The following HMGCLL1 variants were observed in gnomAD, a reference collection of about 807,000 sequenced individuals.
The protein encoded by HMGCLL1 is 3-hydroxy-3-methylglutaryl-CoA lyase like 1.
A neutral mutation model predicts 39.1 loss-of-function variants in HMGCLL1; 36 were observed. That is an observed-to-expected ratio of 0.92 (90% CI 0.71 to 1.22). The LOEUF is 1.22. Among genes scored for constraint, HMGCLL1 ranks in the 50% most tolerant of loss-of-function variants. The pLI is 0.00. For missense variants in HMGCLL1, 451 were observed against 416.5 expected (o/e 1.08, Z -0.72); for synonymous variants, 149 against 144.0 (o/e 1.03, Z -0.25).
rs1360826785 is a variant in HMGCLL1, at chr6:55,439,508, A to T, written c.847T>A (p.Tyr283Asn). ...ACATTCCCAGAAGCACCTTTTGCAT[A>T]AGGGCAGCCACCTAATCCGGATACT... Reference protein sequence around the residue: ...SAVSGLGGCPYAKGASGNVAT... With the variant: ...SAVSGLGGCPNAKGASGNVAT... Residue 283 changes from tyrosine (Y) to asparagine (N), a missense_variant, in exon 8 of 9, where the codon TAT becomes AAT. By Grantham distance (143) the Tyr-to-Asn change is moderately radical. Transcript: ENST00000274901. 1.2e-6 allele frequency: 2 copies of T among 1,613,036 alleles called. No homozygotes were observed. The highest frequency in any genetic ancestry group is 1.7e-6 in the Non-Finnish European group (2 of 1,179,238).
the HMGCLL1 span, among the ~76,000 whole-genome samples, chr6:55,651,003 G>C: frequency 6.6e-6 from 1 of 152,058 alleles, no homozygotes; most frequent in Non-Finnish European, 1.5e-5. Flanking sequence ...TGGACTTGGG[G>C]ACCCTAAGAG....
chr6:55,560,695 A>G (rs1770904907), intron 1 of HMGCLL1, among the ~76,000 whole-genome samples: 1 of 152,134 alleles, frequency 6.6e-6, no homozygotes, highest in Admixed American at 6.6e-5. Flanking sequence ...GGCTTCACCT[A>G]ACATTCCATC....
the HMGCLL1 span, among the ~76,000 whole-genome samples, chr6:55,641,952 C>G: frequency 1.4e-5 from 2 of 138,814 alleles, no homozygotes; most frequent in Non-Finnish European, 3.1e-5. Flanking sequence ...TACATGTGCA[C>G]ATTGTGCAGG....
At chr6:55,611,792 A>G in the HMGCLL1 span, among the ~76,000 whole-genome samples, 5 of 152,226 alleles carry the variant, frequency 3.3e-5, no homozygotes, top group Non-Finnish European at 5.9e-5. Context: ...ACTAGGTATG[A>G]TTGAACATAT....
intron 3 of HMGCLL1, among the ~76,000 whole-genome samples, chr6:55,540,916 T>G (rs112827667): frequency 0.01 from 1,534 of 152,118 alleles, 25 homozygotes; most frequent in African/African-American, 0.034. Context: ...AACCTTAAAC[T>G]AAGAGGTCAT....
chr6:55,509,719 A>C (rs1767342166), intron 5 of HMGCLL1, among the ~76,000 whole-genome samples: 1 of 151,908 alleles, frequency 6.6e-6, no homozygotes, highest in South Asian at 2.1e-4. Context: ...TAAACACAGG[A>C]AGAATTTCCT....
intron 7 of HMGCLL1, among the ~76,000 whole-genome samples, chr6:55,489,071 TC>T (rs1766186626): frequency 6.6e-6 from 1 of 152,042 alleles, no homozygotes; most frequent in Non-Finnish European, 1.5e-5. Context: ...GCCAATTCAA[TC>T]CAATGTTCCA....
chr6:55,472,942 T>C (rs1246114468), intron 7 of HMGCLL1, among the ~76,000 whole-genome samples: 4 of 151,438 alleles, frequency 2.6e-5, no homozygotes, highest in African/African-American at 9.7e-5. Flanking sequence ...TTTATAAAAA[T>C]TTACAACTGT....
At chr6:55,664,194 T>C in the HMGCLL1 span, among the ~76,000 whole-genome samples, 2 of 151,862 alleles carry the variant, frequency 1.3e-5, no homozygotes, top group South Asian at 4.1e-4. Flanking sequence ...TTGATATGTA[T>C]GGATTTGGTT....
intron 7 of HMGCLL1, among the ~76,000 whole-genome samples, chr6:55,440,627 C>T (rs1763554921): frequency 6.6e-6 from 1 of 152,030 alleles, no homozygotes; most frequent in South Asian, 2.1e-4. Flanking sequence ...TCCGATTCTT[C>T]ACTCTTGGGC....
chr6:55,446,933 A>G (rs1763873002), intron 7 of HMGCLL1, among the ~76,000 whole-genome samples: 1 of 152,168 alleles, frequency 6.6e-6, no homozygotes, highest in African/African-American at 2.4e-5. Flanking sequence ...TATTTTATTT[A>G]ATAATCTATA....
At chr6:55,666,737 C>T in the HMGCLL1 span, among the ~76,000 whole-genome samples, 7 of 151,664 alleles carry the variant, frequency 4.6e-5, no homozygotes, top group South Asian at 1.5e-3. Flanking sequence ...CAAAAGGAAA[C>T]AAATCCTACT....
At chr6:55,542,312 G>A (rs41271324) in intron 1 of HMGCLL1, among the ~76,000 whole-genome samples, 172 bp from the exon 2 acceptor site, 4,058 of 152,136 alleles carry the variant, frequency 0.027, 87 homozygotes, top group Non-Finnish European at 0.039. Flanking sequence ...CTTGCAACAT[G>A]AAGTATTTTT....
intron 7 of HMGCLL1, among the ~76,000 whole-genome samples, chr6:55,493,739 G>GT (rs10708618): frequency 0.058 from 8,688 of 148,800 alleles, 289 homozygotes; most frequent in Middle Eastern, 0.076. Flanking sequence ...TTTTGTTTTT[G>GT]TTTTTTTTTT....
At chr6:55,676,205 G>A in the HMGCLL1 span, among the ~76,000 whole-genome samples, 1 of 151,896 alleles carries the variant, frequency 6.6e-6, no homozygotes, top group Non-Finnish European at 1.5e-5. Context: ...GCACATCACA[G>A]AACAAACACT....
At chr6:55,483,707 TC>T (rs1204347055) in intron 7 of HMGCLL1, among the ~76,000 whole-genome samples, 1 of 152,170 alleles carries the variant, frequency 6.6e-6, no homozygotes, top group Non-Finnish European at 1.5e-5. Context: ...TGGGTTGAAA[TC>T]CCGGTTCTAC....
In HMGCLL1 at chr6:55,439,463, A is replaced by G; in HGVS notation, c.892T>C (p.Tyr298His). 1.2e-6 allele frequency: 2 copies of G among 1,612,806 alleles called. No individual in the cohort carries two copies. The highest frequency in any genetic ancestry group is 1.7e-6 in the Non-Finnish European group (2 of 1,179,112). ...TTGAGCCCCAGGCCATTAAGCATATATATCAAATCCTCAGTGGCTACATTC... is the reference window on the plus strand; with the variant it reads ...TTGAGCCCCAGGCCATTAAGCATATGTATCAAATCCTCAGTGGCTACATTC... ...SGNVATEDLI[Y>H]MLNGLGLNTG... is the part of the protein sequence containing the mutation. The change falls in exon 8 of 9, where the codon TAT becomes CAT. Residue 298 changes from tyrosine to histidine, a missense_variant. Tyr to His is a moderately conservative substitution (Grantham distance 83, BLOSUM62 2). Transcript: ENST00000274901.
At chr6:55,456,971 G>A (rs1764350578) in intron 7 of HMGCLL1, among the ~76,000 whole-genome samples, 2 of 152,114 alleles carry the variant, frequency 1.3e-5, no homozygotes, top group Admixed American at 6.6e-5. Context: ...CCTCTTAAAT[G>A]TTGTGTTCTA....
chr6:55,522,957 G>GA (rs1035728167), intron 3 of HMGCLL1, among the ~76,000 whole-genome samples: 2 of 151,802 alleles, frequency 1.3e-5, no homozygotes, highest in African/African-American at 4.8e-5. Flanking sequence ...ATTCATGTGA[G>GA]AAAAAAATAC....
Sources: allele counts gnomAD v4.1 joint callset (sites outside exome capture counted in the v4.1 genomes callset), GRCh38; gene constraint gnomAD v4.1.1; transcripts MANE v1.5; gene names NCBI Gene and HGNC (gene_info 2026-07-23, HGNC 2026-07-21).